CBFA2T2: variants seen among roughly 807,000 people sequenced by gnomAD.
The protein encoded by CBFA2T2 is CBFA2/RUNX1 partner transcriptional co-repressor 2.
In CBFA2T2, 11 loss-of-function variants were observed where a neutral mutation model predicts 62.2. That is an observed-to-expected ratio of 0.18 (90% CI 0.11 to 0.29). The LOEUF (loss-of-function observed/expected upper bound fraction) is 0.29. CBFA2T2 is among the 10% of genes least tolerant of loss of function. The probability of loss-of-function intolerance (pLI) is 1.00; values close to 1 mark genes in which losing one functional copy is unlikely to be tolerated. For synonymous variants in CBFA2T2, 295 were observed against 287.5 expected (o/e 1.03, Z -0.27); for missense variants, 592 against 774.1 (o/e 0.76, Z 2.79).
At chr20:33,504,910 C>G (rs1247736804) in intron 1 of CBFA2T2, among the ~76,000 whole-genome samples, 2 of 152,134 alleles carry the variant, frequency 1.3e-5, no homozygotes, top group African/African-American at 2.4e-5. Context: ...GGAATACTCT[C>G]TGTTACTTGT....
At chr20:33,636,496 G>A in intron 8 of CBFA2T2, 144 bp from the exon 9 acceptor site, 1 of 584,838 alleles carries the variant, frequency 1.7e-6, no homozygotes, top group Non-Finnish European at 3.1e-6. Context: ...TTTATAATCT[G>A]GTTTTTAGCC....
chr20:33,619,896 G>A (rs2015873014), intron 4 of CBFA2T2, among the ~76,000 whole-genome samples: 1 of 152,204 alleles, frequency 6.6e-6, no homozygotes, highest in Non-Finnish European at 1.5e-5. Context: ...TGGAAGGGAG[G>A]CTGAGGTCCT....
At chr20:33,609,104 A>G (rs1185726256) in intron 2 of CBFA2T2, among the ~76,000 whole-genome samples, 1 of 152,222 alleles carries the variant, frequency 6.6e-6, no homozygotes, top group Non-Finnish European at 1.5e-5. Flanking sequence ...AAAAATATAC[A>G]CTGTATACAC....
intron 1 of CBFA2T2, among the ~76,000 whole-genome samples, chr20:33,536,243 C>T (rs1486122772): frequency 6.1e-5 from 9 of 147,344 alleles, no homozygotes; most frequent in African/African-American, 1.7e-4. Flanking sequence ...CCAGTAGGGG[C>T]GGCCGGGCAG....
At chr20:33,605,536 C>G (rs1360542721) in intron 1 of CBFA2T2, among the ~76,000 whole-genome samples, 2 of 152,156 alleles carry the variant, frequency 1.3e-5, no homozygotes, top group Non-Finnish European at 1.5e-5. Flanking sequence ...AGTCTGATTC[C>G]TGTTAGCTCA....
rs565883571 is a variant in CBFA2T2, at chr20:33,595,286, A to G, written c.35-11670A>G. The stretch of plus-strand genomic sequence containing the variant: ...GAGTGCAGTGGCCCAATCCCGGCTC[A>G]CTGCAACCTCTGCCTCCTGGGTTCA... On this transcript the variant is annotated intron_variant, in intron 1 of 10. Transcript: ENST00000342704. Among the ~76,000 whole-genome samples, 405 of 152,186 alleles carry G rather than the reference A, an allele frequency of 2.7e-3. 2 individuals are homozygous for G. Among genetic ancestry groups the G allele is most frequent in the African/African-American group, 8.3e-3 (346 of 41,536 alleles).
chr20:33,499,038 C>T (rs1157783487), intron 1 of CBFA2T2, among the ~76,000 whole-genome samples: 2 of 138,384 alleles, frequency 1.4e-5, no homozygotes, highest in South Asian at 2.3e-4. Flanking sequence ...AGTGAAACTC[C>T]GTCTAAAAAG....
At position 33,611,344 on chromosome 20, in the gene CBFA2T2, A is replaced by T. The variant is rs2015521122; in HGVS notation, c.420+9A>T. On this transcript the variant is annotated intron_variant, in intron 3 of 10. Coordinates refer to ENST00000342704, the MANE Select transcript of CBFA2T2 (RefSeq NM_001032999.3). ...TTGTTCTTGCACTGGTGGTAAGTAC[A>T]GCCTCACTGTTGTTCTCAGCTGCCT... is the stretch of plus-strand genomic sequence containing the variant. The T allele has an allele frequency of 3.1e-6, 5 of 1,612,302 alleles. No homozygotes were observed. The African/African-American group carries it at 4.0e-5, about 13-fold the overall frequency.
At chr20:33,588,130 CT>C (rs1177434802) in intron 1 of CBFA2T2, among the ~76,000 whole-genome samples, 1 of 152,068 alleles carries the variant, frequency 6.6e-6, no homozygotes, top group Non-Finnish European at 1.5e-5. Context: ...ACATATACAC[CT>C]CCATGCATTT....
intron 1 of CBFA2T2, among the ~76,000 whole-genome samples, chr20:33,544,931 T>TGAATA (rs373602068): frequency 2.9e-5 from 4 of 137,076 alleles, no homozygotes; most frequent in Admixed American, 7.6e-5. Context: ...CATGCATGAG[T>TGAATA]GAATAGAATA....
intron 3 of CBFA2T2, among the ~76,000 whole-genome samples, chr20:33,618,173 CT>C (rs58066954): frequency 0.061 from 8,390 of 138,268 alleles, 536 homozygotes; most frequent in Admixed American, 0.16. Context: ...ATATATTTTC[CT>C]TTTTTTTTTT....
chr20:33,574,052 G>T, intron 1 of CBFA2T2: 1 of 1,422,020 alleles, frequency 7.0e-7, no homozygotes, highest in Non-Finnish European at 9.4e-7. Context: ...GCTGCCCAAA[G>T]TGCTGGGATT....
chr20:33,518,109 T>C (rs1568796262), intron 1 of CBFA2T2, among the ~76,000 whole-genome samples: 2 of 152,012 alleles, frequency 1.3e-5, no homozygotes, highest in Non-Finnish European at 2.9e-5. Flanking sequence ...CAACCATGCC[T>C]GGCTAATTTT....
At chr20:33,542,070 G>A (rs183008709) in intron 1 of CBFA2T2, among the ~76,000 whole-genome samples, 14 of 152,258 alleles carry the variant, frequency 9.2e-5, no homozygotes, top group South Asian at 6.2e-4. Flanking sequence ...GTGTATAGAG[G>A]AGTCACCTGA....
At chr20:33,501,438 A>G (rs933409286) in intron 1 of CBFA2T2, among the ~76,000 whole-genome samples, 1 of 152,124 alleles carries the variant, frequency 6.6e-6, no homozygotes, top group Non-Finnish European at 1.5e-5. Context: ...GAGCTACACT[A>G]ACTTTATGTC....
chr20:33,529,934 G>A (rs907675353), intron 1 of CBFA2T2, among the ~76,000 whole-genome samples: 4 of 151,414 alleles, frequency 2.6e-5, no homozygotes, highest in Admixed American at 1.3e-4. Context: ...ATAGGTGTGC[G>A]CCATCACACC....
intron 1 of CBFA2T2, among the ~76,000 whole-genome samples, chr20:33,543,912 A>C (rs187629756): frequency 1.2e-3 from 185 of 152,186 alleles, no homozygotes; most frequent in Non-Finnish European, 2.3e-3. Flanking sequence ...TGTTTGTTCT[A>C]CCTTGAGACT....
Position 33,490,118 on chromosome 20 carries a change from G to GT in CBFA2T2, c.-150_-149insT. The GT allele has an allele frequency of 2.6e-6, 2 of 757,274 alleles. No individual in the cohort carries two copies. The highest frequency in any genetic ancestry group is 3.4e-6 in the Non-Finnish European group (2 of 581,378). 46.9% of individuals were successfully genotyped at this position (757,274 alleles called of 1,614,324 possible). On this transcript the variant is annotated 5_prime_UTR_variant, in exon 1 of 11. Coordinates refer to ENST00000342704, the MANE Select transcript of CBFA2T2 (RefSeq NM_001032999.3). ...GGCGGCGGCGGCGGCGACGGCGACA[G>GT]CAGCGGTGGTGGTGTCTGGTTAGCT...
At chr20:33,548,656 G>T (rs2012645143) in intron 1 of CBFA2T2, among the ~76,000 whole-genome samples, 1 of 152,042 alleles carries the variant, frequency 6.6e-6, no homozygotes, top group African/African-American at 2.4e-5. Context: ...CAGATTTTCT[G>T]CATATATCAA....
Sources: gnomAD v4.1 joint callset for allele counts (sites outside exome capture counted in the v4.1 genomes callset) on GRCh38, gnomAD v4.1.1 for gene constraint, MANE v1.5 for transcripts, NCBI Gene and HGNC (gene_info 2026-07-23, HGNC 2026-07-21) for gene names.